RNF213: variants seen among roughly 807,000 people sequenced by gnomAD.
RNF213 encodes E3 ubiquitin-protein ligase RNF213.
RNF213 carries 341 observed loss-of-function variants against 514.4 expected under a neutral mutation model. The observed-to-expected ratio is 0.66, with a 90% CI of 0.61 to 0.73. The LOEUF is 0.73. Ranked by LOEUF, RNF213 falls within the 30% of genes least tolerant of loss-of-function variation. The pLI, the probability that RNF213 is intolerant of heterozygous loss-of-function variation, is 0.00. For synonymous variants in RNF213, 2,655 were observed against 2,658.2 expected (o/e 1.00, Z 0.04); for missense variants, 5,767 against 6,615.6 (o/e 0.87, Z 4.45).
chr17:80,389,100 G>A (rs766378943), intron 64 of RNF213, 73 bp from the exon 65 acceptor site: 16 of 1,439,418 alleles, frequency 1.1e-5, no homozygotes, highest in Middle Eastern at 1.8e-4. Flanking sequence ...GAAGGGGCTC[G>A]GCTCTCTTAC....
chr17:80,369,671 A>G lies in RNF213; in HGVS notation c.12325A>G (p.Arg4109Gly), dbSNP rs2079437772. The G allele has an allele frequency of 1.9e-6, 3 of 1,614,106 alleles. 1 individual carries two copies. The South Asian group carries it at 3.3e-5, about 18-fold the overall frequency. The change falls in exon 45 of 68, where the codon AGA becomes GGA. Residue 4109 changes from arginine (R) to glycine (G), a missense_variant and splice_region_variant. Physicochemically the swap from Arg to Gly is moderately radical, Grantham distance 125. Around this residue, in one of 13 missense-constraint regions of RNF213, gnomAD observed 93 missense variants for 95.6 expected, o/e 0.97. Transcript: ENST00000582970. ...GGGGCGCTTAAGAGATGCTGCCCAGAGTAGGTTGCTTTCTTCCTGTAAACC... is the reference window on the plus strand; with the variant it reads ...GGGGCGCTTAAGAGATGCTGCCCAGGGTAGGTTGCTTTCTTCCTGTAAACC... ...QKGRLRDAAQ[R>G]HCEHTKSLSP...
chr17:80,307,035 T>C (rs560721325), intron 12 of RNF213, 93 bp from the exon 13 acceptor site: 187 of 1,207,138 alleles, frequency 1.5e-4, no homozygotes, highest in Non-Finnish European at 2.1e-4. Context: ...GTATACCATA[T>C]TGATGTTGGA....
In RNF213 at chr17:80,349,821, T is replaced by G; in HGVS notation, c.10003T>G (p.Ser3335Ala). ...LTSHDCEILE[S>A]EVTGRAPKPT... ...AAGTCACGACTGTGAAATTTTAGAA[T>G]CAGAGGTCACAGGCAGGGCTCCGAA... is the stretch of plus-strand genomic sequence containing the variant. The change falls in exon 30 of 68, where the codon TCA becomes GCA. Residue 3335 changes from serine to alanine, a missense_variant. Physicochemically the swap from Ser to Ala is moderately conservative, Grantham distance 99 (BLOSUM62 1). Transcript: ENST00000582970. 6.2e-7 allele frequency: 1 copy of G among 1,614,138 alleles called. No homozygotes were observed. The highest frequency in any genetic ancestry group is 8.5e-7 in the Non-Finnish European group (1 of 1,179,988).
Position 80,339,932 on chromosome 17 carries a change from C to T in RNF213, c.5565C>T (p.Pro1855=). 1 of 1,536,998 alleles carries T rather than the reference C, an allele frequency of 6.5e-7. No homozygotes were observed. The highest frequency in any genetic ancestry group is 2.0e-5 in the Admixed American group (1 of 50,996). Residue 1855 remains proline, a synonymous_variant, in exon 26 of 68, where the codon CCC becomes CCT. Coordinates refer to ENST00000582970, the MANE Select transcript of RNF213 (RefSeq NM_001256071.3). ...TCTACATGCAAACCCCAAGCCAGCCCCTGCCCACTTACGATGAGGTGCTGC... is the reference window on the plus strand; with the variant it reads ...TCTACATGCAAACCCCAAGCCAGCCTCTGCCCACTTACGATGAGGTGCTGC... ...LAVYMQTPSQ[P]LPTYDEVLLC...
chr17:80,280,973 G>C (rs1412475783), intron 3 of RNF213, among the ~76,000 whole-genome samples: 11 of 151,930 alleles, frequency 7.2e-5, no homozygotes, highest in Admixed American at 7.2e-4. Context: ...ACCGGAGCGT[G>C]TTGGTCAGGG....
At chr17:80,366,434 T>C (rs957942647) in intron 42 of RNF213, among the ~76,000 whole-genome samples, 2 of 152,236 alleles carry the variant, frequency 1.3e-5, no homozygotes, top group Non-Finnish European at 2.9e-5. Context: ...TTTTTCATAA[T>C]GGCCACCGTG....
chr17:80,281,201 A>G (rs1279124092), intron 3 of RNF213, among the ~76,000 whole-genome samples: 1 of 82,666 alleles, frequency 1.2e-5, no homozygotes, highest in African/African-American at 4.8e-5. Flanking sequence ...CCCCACTCAC[A>G]CCACTCACAC....
intron 36 of RNF213, chr17:80,354,818 TAAAAA>T: frequency 1.8e-6 from 1 of 561,330 alleles, no homozygotes; most frequent in Admixed American, 3.1e-5. Flanking sequence ...ACTAAAAACT[TAAAAA>T]AAGTAAAACA....
At chr17:80,385,878 C>T (rs1378558366) in intron 61 of RNF213, among the ~76,000 whole-genome samples, 1 of 152,334 alleles carries the variant, frequency 6.6e-6, no homozygotes, top group East Asian at 1.9e-4. Context: ...GTTGCCCAGG[C>T]TGGTCTCAAA....
intron 65 of RNF213, among the ~76,000 whole-genome samples, chr17:80,389,580 T>TA (rs1555681720): frequency 1.3e-5 from 2 of 152,108 alleles, no homozygotes; most frequent in Non-Finnish European, 2.9e-5. Context: ...GCAGTCTAGA[T>TA]AGAGCCCAAA....
chr17:80,385,589 G>A lies in RNF213; in HGVS notation c.14507G>A (p.Trp4836Ter), dbSNP rs2080202418. ...HNRITVFLST[W>*]NKLRRSLETN... Reference sequence around the variant, plus strand: ...AGGATCACAGTCTTTCTGTCCACATGGAACAAACTGAGGAGATCGCTTGAG... The same window carrying A: ...AGGATCACAGTCTTTCTGTCCACATAGAACAAACTGAGGAGATCGCTTGAG... Residue 4836 changes from tryptophan to a stop codon, truncating the protein, a stop_gained, in exon 61 of 68, where the codon TGG becomes TAG. Transcript: ENST00000582970. LOFTEE classifies it high-confidence loss of function. 1 of 1,614,144 alleles carries A rather than the reference G, an allele frequency of 6.2e-7. No individual in the cohort carries two copies. Among genetic ancestry groups the A allele is most frequent in the Non-Finnish European group, 8.5e-7 (1 of 1,180,006 alleles).
chr17:80,344,048 G>T (rs767830043), intron 28 of RNF213, 33 bp downstream of exon 28: 1 of 1,603,316 alleles, frequency 6.2e-7, no homozygotes. Flanking sequence ...GCCTGGCGTG[G>T]GGGGCTCTTG....
At position 80,380,840 on chromosome 17, in the gene RNF213, A is replaced by G; in HGVS notation, c.13650A>G (p.Ala4550=). 1 of 1,614,234 alleles carries G rather than the reference A, an allele frequency of 6.2e-7. No homozygotes were observed. Among genetic ancestry groups the G allele is most frequent in the South Asian group, 1.1e-5 (1 of 91,090 alleles). ...RDGFHLVKDK[A]DRTQTGHVLG... ...CTCTCGTTCTTTCCAGAGACAAGGC[A>G]GACAGAACGCAGACCGGCCACGTGC... Residue 4550 remains alanine, a synonymous_variant, in exon 56 of 68, where the codon GCA becomes GCG. Transcript: ENST00000582970.
At chr17:80,327,392 C>T (rs150445949) in intron 18 of RNF213, among the ~76,000 whole-genome samples, 28 of 150,976 alleles carry the variant, frequency 1.9e-4, no homozygotes, top group Admixed American at 9.3e-4. Flanking sequence ...CCTAGCTACT[C>T]GGGAGGCTGA....
chr17:80,277,557 C>T (rs535375584), intron 3 of RNF213, among the ~76,000 whole-genome samples: 3 of 140,374 alleles, frequency 2.1e-5, no homozygotes, highest in Non-Finnish European at 4.5e-5. Context: ...GAGATTGAGA[C>T]ACCGCACTCC....
Position 80,314,256 on chromosome 17 carries a change from A to ATGG in RNF213, c.2811+1094_2811+1096dup, listed in dbSNP as rs748945196. ...GGTGATGGTGGAGGTACTGGAGGTG[A>ATGG]TGGTGGTAAAGGTGATGGTGGAGGT... On this transcript the variant is annotated intron_variant, in intron 15 of 67. Coordinates refer to ENST00000582970, the MANE Select transcript of RNF213 (RefSeq NM_001256071.3). Among the ~76,000 whole-genome samples the ATGG allele has an allele frequency of 2.5e-3, 162 of 65,676 alleles. 7 individuals carry two copies. The highest frequency in any genetic ancestry group is 0.012 in the African/African-American group (142 of 11,906). The allele number at this position is 65,676 out of a possible 152,430, so 43.1% of individuals were successfully genotyped here.
In RNF213 at chr17:80,338,648, T is replaced by TA. The variant is rs35242451; in HGVS notation, c.4834-543dup. On this transcript the variant is annotated intron_variant, in intron 25 of 67. Transcript: ENST00000582970. ...GTATAAGGTTTTTTTTTTTCCCAAT[T>TA]AAAAAAAAAAGATAATTTAAAAAAA... 2.7e-5 allele frequency among the ~76,000 whole-genome samples: 4 copies of TA among 147,490 alleles called. No individual in the cohort carries two copies. In the East Asian group the frequency reaches 8.1e-4, roughly 30 times the overall value.
Position 80,263,573 on chromosome 17 carries a change from GA to G in RNF213, c.-105del. The G allele has an allele frequency of 1.1e-6, 1 of 947,840 alleles. No individual in the cohort carries two copies. The highest frequency in any genetic ancestry group is 1.3e-5 in the South Asian group (1 of 76,740). 58.7% of individuals were successfully genotyped at this position (947,840 alleles called of 1,614,324 possible). On this transcript the variant is annotated splice_region_variant and 5_prime_UTR_variant, in exon 2 of 68. Transcript: ENST00000582970. This position sits in a 1 kb window ranked among gnomAD's most constrained non-coding sequence, Gnocchi z 4.9. ...GGGCTGCTGTGATTTCACTTTCGCA[GA>G]AAATGAAACTGAAGCCGTGGTCACG...
chr17:80,380,772 T>C, intron 55 of RNF213, 59 bp from the exon 56 acceptor site: 1 of 1,601,680 alleles, frequency 6.2e-7, no homozygotes, highest in Non-Finnish European at 8.5e-7. Flanking sequence ...GCTGAGAAAG[T>C]GCAGCGTGCC....
Sources: gnomAD v4.1 joint callset for allele counts (sites outside exome capture counted in the v4.1 genomes callset) on GRCh38, gnomAD v4.1.1 for gene constraint, gnomAD v4.1.1 regional missense constraint, Gnocchi (gnomAD v3.1) non-coding constraint, MANE v1.5 for transcripts, NCBI Gene and HGNC (gene_info 2026-07-23, HGNC 2026-07-21) for gene names.